Variants in MATCAP2 observed in about 807,000 individuals in gnomAD.
MATCAP2 encodes the protein microtubule associated tyrosine carboxypeptidase 2.
the MATCAP2 span, among the ~76,000 whole-genome samples, chr7:36,344,102 A>AGAC: frequency 1.3e-5 from 2 of 152,234 alleles, no homozygotes; most frequent in African/African-American, 4.8e-5. Context: ...AAGCACTCTG[A>AGAC]GACACATCAG....
chr7:36,369,837 C>G, the MATCAP2 span, among the ~76,000 whole-genome samples: 1 of 152,078 alleles, frequency 6.6e-6, no homozygotes, highest in African/African-American at 2.4e-5. Context: ...CTAATTTCAA[C>G]ACTTCACTAC....
chr7:36,389,992 C>G, the MATCAP2 span: 23 of 1,613,994 alleles, frequency 1.4e-5, no homozygotes, highest in African/African-American at 2.7e-5. Flanking sequence ...TTTGAACCAC[C>G]GTTTCCATCG....
At chr7:36,366,818 G>A in the MATCAP2 span, 11 of 1,521,928 alleles carry the variant, frequency 7.2e-6, 1 homozygote, top group South Asian at 1.3e-4. Context: ...AGTCCCGAGC[G>A]GCGCGCCCAG....
At chr7:36,351,901 G>A in the MATCAP2 span, among the ~76,000 whole-genome samples, 2 of 139,392 alleles carry the variant, frequency 1.4e-5, no homozygotes, top group Non-Finnish European at 3.0e-5. Context: ...AGCCATGTTT[G>A]CACCACTGTA....
chr7:36,382,251 G>C, the MATCAP2 span, among the ~76,000 whole-genome samples: 1 of 140,734 alleles, frequency 7.1e-6, no homozygotes, highest in East Asian at 2.2e-4. Context: ...AGGTTGCAGT[G>C]AGCAGAGTTG....
chr7:36,352,718 G>T, the MATCAP2 span, among the ~76,000 whole-genome samples: 3 of 151,640 alleles, frequency 2.0e-5, no homozygotes, highest in African/African-American at 7.3e-5. Flanking sequence ...CATAATCCCA[G>T]CTACTCAGGA....
the MATCAP2 span, chr7:36,389,913 C>A: frequency 7.5e-6 from 12 of 1,590,844 alleles, no homozygotes; most frequent in South Asian, 1.3e-4. Context: ...TGGGAGAGTT[C>A]CCCCGCCTCA....
At chr7:36,352,121 C>T in the MATCAP2 span, among the ~76,000 whole-genome samples, 6 of 150,292 alleles carry the variant, frequency 4.0e-5, no homozygotes, top group South Asian at 2.1e-4. Context: ...TTTCACTGGG[C>T]GCACTGGCTC....
At chr7:36,387,713 T>A in the MATCAP2 span, among the ~76,000 whole-genome samples, 1 of 152,304 alleles carries the variant, frequency 6.6e-6, no homozygotes, top group South Asian at 2.1e-4. Context: ...GAAGATACAC[T>A]AAATGTTGTG....
chr7:36,331,199 A>G, the MATCAP2 span: 10 of 575,006 alleles, frequency 1.7e-5, no homozygotes, highest in South Asian at 1.9e-4. Context: ...GTTTGCCAAC[A>G]TTTATTTTTA....
chr7:36,336,490 A>C, the MATCAP2 span, among the ~76,000 whole-genome samples: 1 of 152,186 alleles, frequency 6.6e-6, no homozygotes, highest in Non-Finnish European at 1.5e-5. Flanking sequence ...ATGCCTGTAC[A>C]CTTTAGCAAT....
the MATCAP2 span, among the ~76,000 whole-genome samples, chr7:36,387,808 T>C: frequency 1.1e-4 from 16 of 152,170 alleles, no homozygotes; most frequent in African/African-American, 3.9e-4. Flanking sequence ...CTAAGGCTCA[T>C]AGAAGTGATA....
chr7:36,329,669 A>G, the MATCAP2 span, among the ~76,000 whole-genome samples: 1 of 152,244 alleles, frequency 6.6e-6, no homozygotes, highest in Non-Finnish European at 1.5e-5. Flanking sequence ...AAGAAATATA[A>G]AAGAATTAGA....
chr7:36,376,955 T>C, the MATCAP2 span, among the ~76,000 whole-genome samples: 2 of 152,206 alleles, frequency 1.3e-5, no homozygotes, highest in African/African-American at 4.8e-5. Context: ...TTTGCCTTGG[T>C]AGATCTTCCT....
the MATCAP2 span, among the ~76,000 whole-genome samples, chr7:36,352,699 G>A: frequency 2.0e-5 from 3 of 151,816 alleles, no homozygotes; most frequent in Admixed American, 2.0e-4. Context: ...AGGCATCATG[G>A]CGGGTGCCCA....
chr7:36,331,113 G>T, the MATCAP2 span: 1 of 1,359,710 alleles, frequency 7.4e-7, no homozygotes, highest in Non-Finnish European at 1.1e-6. Context: ...ACTTTCTGAT[G>T]TTCAGAAAAA....
At chr7:36,366,870 G>T in the MATCAP2 span, 19 of 1,492,154 alleles carry the variant, frequency 1.3e-5, no homozygotes, top group Non-Finnish European at 1.7e-5. Context: ...GCGGGACCCC[G>T]GTCCGCCCCG....
the MATCAP2 span, among the ~76,000 whole-genome samples, chr7:36,348,343 C>CA: frequency 3.6e-4 from 55 of 152,188 alleles, no homozygotes; most frequent in Non-Finnish European, 7.1e-4. Flanking sequence ...CAGTGGTAGT[C>CA]ACACACTAAA....
the MATCAP2 span, among the ~76,000 whole-genome samples, chr7:36,375,501 T>C: frequency 2.6e-5 from 4 of 152,360 alleles, no homozygotes; most frequent in African/African-American, 9.6e-5. Context: ...CAGTATTTTA[T>C]TGAGGATTTT....
Sources: gnomAD v4.1 joint callset for allele counts (sites outside exome capture counted in the v4.1 genomes callset) on GRCh38, gnomAD v4.1.1 for gene constraint, MANE v1.5 for transcripts, NCBI Gene and HGNC (gene_info 2026-07-23, HGNC 2026-07-21) for gene names.